The following LAMA1 variants were observed in gnomAD, a reference collection of about 807,000 sequenced individuals.
LAMA1 encodes laminin subunit alpha-1.
Under a neutral mutation model 348.7 loss-of-function variants are expected in LAMA1, and 219 were observed. The observed-to-expected ratio is 0.63, with a 90% confidence interval of 0.56 to 0.70. LAMA1 has a LOEUF of 0.70. Among genes scored for constraint, LAMA1 ranks in the 30% least tolerant of loss-of-function variants. The pLI is 0.00. For missense variants in LAMA1, 3,744 were observed against 3,888.0 expected (o/e 0.96, Z 0.99); for synonymous variants, 1,487 against 1,491.0 (o/e 1.00, Z 0.06).
chr18:6,978,197 G>C lies in LAMA1; in HGVS notation c.6189C>G (p.Ala2063=), dbSNP rs144466305. The C allele has an allele frequency of 1.7e-5, 28 of 1,614,086 alleles. No individual in the cohort carries two copies. The highest frequency in any genetic ancestry group is 2.3e-5 in the Non-Finnish European group (27 of 1,180,048). ...THQLLQDSTM[A]TLLAGRKVKD... ...CTGGAAGGAAGGGCGCTGACATACT[G>C]GCCATGGTGGAGTCCTGCAGAAGCT... is the stretch of plus-strand genomic sequence containing the variant. Residue 2063 remains alanine (A), a splice_region_variant and synonymous_variant, in exon 43 of 63, where the codon GCC becomes GCG. Transcript: ENST00000389658.
In LAMA1 at chr18:7,023,292, G is replaced by T; in HGVS notation, c.2573C>A (p.Ser858Ter). The change falls in exon 19 of 63, where the codon TCG becomes TAG. Residue 858 changes from serine (S) to a stop codon, truncating the protein, a stop_gained. Coordinates refer to ENST00000389658, the MANE Select transcript of LAMA1 (RefSeq NM_005559.4). LOFTEE classifies it high-confidence loss of function. ...GACTGAGTCACAGTGACCAGCCTCC[G>T]AGGGGTCCACGTTGCCGCTGCAGTC... ...PCDCSGNVDP[S>*]EAGHCDSVTG... 1.9e-6 allele frequency: 3 copies of T among 1,614,132 alleles called. No homozygotes were observed. Among genetic ancestry groups the T allele is most frequent in the Non-Finnish European group, 2.5e-6 (3 of 1,180,022 alleles).
chr18:7,101,931 A>T (rs1488392984), intron 1 of LAMA1, among the ~76,000 whole-genome samples: 1 of 150,516 alleles, frequency 6.6e-6, no homozygotes, highest in Non-Finnish European at 1.5e-5. Flanking sequence ...TTCCTGCCTC[A>T]GCCTCTCAAA....
rs563124518 is a variant in LAMA1, at chr18:7,027,733, A to G, written c.2275-1627T>C. ...CAAGGCGGGTGGACCACCTGAGGTCAGGAGTTCGAGACCAGCCTGGCCAAC... is the reference window on the plus strand; with the variant it reads ...CAAGGCGGGTGGACCACCTGAGGTCGGGAGTTCGAGACCAGCCTGGCCAAC... On this transcript the variant is annotated intron_variant, in intron 16 of 62. Coordinates refer to ENST00000389658, the MANE Select transcript of LAMA1 (RefSeq NM_005559.4). Among the ~76,000 whole-genome samples the G allele has an allele frequency of 2.1e-3, 319 of 152,298 alleles. 2 individuals carry two copies. Among genetic ancestry groups the G allele is most frequent in the Non-Finnish European group, 3.8e-3 (258 of 68,022 alleles).
chr18:6,961,986 G>A lies in LAMA1; in HGVS notation c.7411C>T (p.Leu2471Phe), dbSNP rs1171978061. ...TTTCTCACTCCATAGGAATTTCTGA[G>A]TAAGTCAAAGGTTGATCTGGATATT... Reference protein sequence around the residue: ...LEISRSTFDLLRNSYGVRKGC... With the variant: ...LEISRSTFDLFRNSYGVRKGC... The change falls in exon 52 of 63, where the codon CTC (leucine) becomes TTC (phenylalanine). Residue 2471 changes from leucine to phenylalanine, a missense_variant. This residue lies in a region of LAMA1 where 1,983 missense variants were observed against 1,934.3 expected (regional missense o/e 1.03). Coordinates refer to ENST00000389658, the MANE Select transcript of LAMA1 (RefSeq NM_005559.4). The A allele has an allele frequency of 6.2e-7, 1 of 1,614,214 alleles. No homozygotes were observed.
intron 3 of LAMA1, among the ~76,000 whole-genome samples, chr18:7,076,376 G>A (rs1383309580): frequency 6.6e-6 from 1 of 152,158 alleles, no homozygotes; most frequent in Non-Finnish European, 1.5e-5. Flanking sequence ...TGAGGTGAGA[G>A]GATGGCTGGT....
chr18:6,972,108 T>A, intron 47 of LAMA1, 127 bp from the exon 48 acceptor site: 1 of 1,147,936 alleles, frequency 8.7e-7, no homozygotes, highest in Non-Finnish European at 1.3e-6. Flanking sequence ...GAGAGCCACA[T>A]TAGAAAAAAG....
At chr18:7,104,075 G>C (rs1255686237) in intron 1 of LAMA1, among the ~76,000 whole-genome samples, 2 of 152,054 alleles carry the variant, frequency 1.3e-5, no homozygotes, top group African/African-American at 2.4e-5. Context: ...CGCCTCCTAG[G>C]TTCAAGCAAT....
intron 1 of LAMA1, among the ~76,000 whole-genome samples, chr18:7,098,643 C>T (rs1023952838): frequency 2.0e-4 from 30 of 149,378 alleles, no homozygotes; most frequent in Admixed American, 1.9e-3. Context: ...TGAGGAGCCT[C>T]TCCGACCGGC....
chr18:7,054,630 G>A (rs994908946), intron 3 of LAMA1, among the ~76,000 whole-genome samples: 1 of 151,924 alleles, frequency 6.6e-6, no homozygotes, highest in Non-Finnish European at 1.5e-5. Context: ...ACCTCTAAAC[G>A]TGTGTGTGTG....
At position 6,985,575 on chromosome 18, in the gene LAMA1, CA is replaced by C; in HGVS notation, c.5447del (p.Leu1816Ter). On this transcript the variant is annotated frameshift_variant, in exon 38 of 63. Transcript: ENST00000389658. LOFTEE classifies it high-confidence loss of function. ...CTGTTTGTGCAGCAGCAGCATCTAT[CA>C]ATCCTCTTCCTTGGACAATGAGCTC... ...TSELIVQGRG[L>X]IDAAAAQTDA... 6.2e-7 allele frequency: 1 copy of C among 1,614,164 alleles called. No homozygotes were observed. Among genetic ancestry groups the C allele is most frequent in the Non-Finnish European group, 8.5e-7 (1 of 1,180,030 alleles).
intron 60 of LAMA1, 44 bp downstream of exon 60, chr18:6,948,359 A>G: frequency 6.2e-7 from 1 of 1,613,596 alleles, no homozygotes; most frequent in Non-Finnish European, 8.5e-7. Flanking sequence ...TTTAGAGTAC[A>G]GACTCATTCG....
chr18:6,959,251 G>T (rs1313764930), intron 54 of LAMA1, 90 bp downstream of exon 54: 2 of 1,568,416 alleles, frequency 1.3e-6, no homozygotes, highest in African/African-American at 1.4e-5. Context: ...CAGTCATCTA[G>T]CCGCCCAGGG....
intron 20 of LAMA1, among the ~76,000 whole-genome samples, chr18:7,017,058 C>A (rs547226149): frequency 1.3e-5 from 2 of 152,302 alleles, no homozygotes; most frequent in African/African-American, 4.8e-5. Flanking sequence ...GTGCCTGCTT[C>A]CCCTTCCACC....
intron 58 of LAMA1, among the ~76,000 whole-genome samples, chr18:6,950,143 C>A (rs1429687483): frequency 3.3e-5 from 5 of 152,144 alleles, no homozygotes; most frequent in African/African-American, 1.2e-4. Context: ...TGGCTCAGCA[C>A]AAGAAGACAA....
chr18:7,016,006 T>A, intron 21 of LAMA1, 148 bp from the exon 22 acceptor site: 13 of 910,484 alleles, frequency 1.4e-5, no homozygotes, highest in Non-Finnish European at 2.1e-5. Context: ...CCCCTCCATG[T>A]CTCATGGAGG....
At chr18:7,101,865 G>T (rs1438075942) in intron 1 of LAMA1, among the ~76,000 whole-genome samples, 12 of 139,810 alleles carry the variant, frequency 8.6e-5, no homozygotes, top group African/African-American at 3.3e-4. Context: ...TTGTAGAGCT[G>T]GGGGGGTCTC....
At chr18:7,077,429 T>A (rs987146434) in intron 3 of LAMA1, among the ~76,000 whole-genome samples, 3 of 152,030 alleles carry the variant, frequency 2.0e-5, no homozygotes, top group African/African-American at 7.2e-5. Context: ...ATGGTCTCGA[T>A]CTCCTGACCT....
At chr18:7,058,089 T>A (rs112747662) in intron 3 of LAMA1, among the ~76,000 whole-genome samples, 5,575 of 151,956 alleles carry the variant, frequency 0.037, 258 homozygotes, top group East Asian at 0.2. Context: ...GGCATGAGCC[T>A]CCGCGCCTGG....
intron 6 of LAMA1, among the ~76,000 whole-genome samples, chr18:7,045,499 GAGA>G (rs1478204395): frequency 5.3e-5 from 8 of 152,028 alleles, no homozygotes; most frequent in African/African-American, 1.9e-4. Context: ...AAAATAAAAG[GAGA>G]AGATGTCATA....
Sources: gnomAD v4.1 joint callset for allele counts (sites outside exome capture counted in the v4.1 genomes callset) on GRCh38, gnomAD v4.1.1 for gene constraint, gnomAD v4.1.1 regional missense constraint, MANE v1.5 for transcripts, NCBI Gene and HGNC (gene_info 2026-07-23, HGNC 2026-07-21) for gene names.